Variants in EXOC6B observed in about 807,000 individuals in gnomAD.
The protein encoded by EXOC6B is SEC15 homolog B.
Under a neutral mutation model 113.5 loss-of-function variants are expected in EXOC6B, and 54 were observed. The ratio of observed to expected loss-of-function variants is 0.48; its 90% CI spans 0.38 to 0.60. The LOEUF is 0.60. Ranked by LOEUF, EXOC6B falls within the 20% of genes least tolerant of loss-of-function variation. The pLI is 0.00. For missense variants in EXOC6B, 797 were observed against 977.5 expected (o/e 0.82, Z 2.46); for synonymous variants, 357 against 339.0 (o/e 1.05, Z -0.58).
intron 6 of EXOC6B, among the ~76,000 whole-genome samples, chr2:72,653,316 A>T (rs1674330233): frequency 6.8e-6 from 1 of 146,380 alleles, no homozygotes; most frequent in Admixed American, 6.9e-5. Context: ...ACAAAAAACC[A>T]AACACCGCAT....
chr2:72,238,349 A>T (rs1430770728), intron 20 of EXOC6B, among the ~76,000 whole-genome samples: 1 of 152,232 alleles, frequency 6.6e-6, no homozygotes, highest in African/African-American at 2.4e-5. Context: ...GCTATTATAA[A>T]TAATGCTGCT....
chr2:72,254,703 T>C (rs1398911977), intron 20 of EXOC6B, among the ~76,000 whole-genome samples: 1 of 152,146 alleles, frequency 6.6e-6, no homozygotes, highest in East Asian at 1.9e-4. Flanking sequence ...TTGGTAGGAA[T>C]ATACACAAAC....
At chr2:72,761,848 T>C (rs537807060) in intron 1 of EXOC6B, among the ~76,000 whole-genome samples, 1 of 152,202 alleles carries the variant, frequency 6.6e-6, no homozygotes, top group Admixed American at 6.5e-5. Context: ...GATGGTAGCA[T>C]ATGCCTGTAA....
At position 72,335,001 on chromosome 2, in the gene EXOC6B, C is replaced by T. The variant is rs770505617; in HGVS notation, c.2142G>A (p.Pro714=). The T allele has an allele frequency of 3.5e-5, 57 of 1,613,150 alleles. No individual in the cohort carries two copies. The highest frequency in any genetic ancestry group is 1.6e-4 in the Middle Eastern group (1 of 6,076). ...GCGTGTCCTCCTGGAACCCAGGCAC[C>T]GGGCCGGATCTGGCAAACTCTGTGG... ...RECEQFARSG[P]VPGFQEDTLQ... Residue 714 remains proline (P), a synonymous_variant, in exon 20 of 22, where the codon CCG becomes CCA. Transcript: ENST00000272427.
chr2:72,682,240 A>T (rs1057169309), intron 6 of EXOC6B, among the ~76,000 whole-genome samples: 3 of 152,196 alleles, frequency 2.0e-5, no homozygotes, highest in Non-Finnish European at 4.4e-5. Context: ...AGCTGGAAAC[A>T]CAATGGCTCC....
intron 20 of EXOC6B, among the ~76,000 whole-genome samples, chr2:72,320,123 C>T (rs147899025): frequency 0.018 from 2,650 of 151,262 alleles, 21 homozygotes; most frequent in Non-Finnish European, 0.027. Context: ...GCGTGAGCCA[C>T]CACTCCCAGC....
chr2:72,726,456 CA>C (rs1680306223), intron 5 of EXOC6B, among the ~76,000 whole-genome samples: 1 of 151,906 alleles, frequency 6.6e-6, no homozygotes, highest in Non-Finnish European at 1.5e-5. Flanking sequence ...CAGACTGATC[CA>C]ACAAGAAATA....
intron 8 of EXOC6B, among the ~76,000 whole-genome samples, chr2:72,548,288 G>C (rs1703016580): frequency 6.6e-6 from 1 of 152,100 alleles, no homozygotes; most frequent in South Asian, 2.1e-4. Context: ...TACAATACAT[G>C]AACTCCTGAC....
At chr2:72,315,151 T>C (rs1025729799) in intron 20 of EXOC6B, among the ~76,000 whole-genome samples, 1 of 152,082 alleles carries the variant, frequency 6.6e-6, no homozygotes, top group African/African-American at 2.4e-5. Flanking sequence ...GACTTGAATA[T>C]CAAGACCTGA....
intron 6 of EXOC6B, among the ~76,000 whole-genome samples, chr2:72,628,138 T>C (rs1672173387): frequency 1.3e-5 from 2 of 151,966 alleles, no homozygotes; most frequent in South Asian, 4.2e-4. Context: ...TTGTTATTAT[T>C]TTTTGAGACA....
Position 72,489,671 on chromosome 2 carries a change from T to C in EXOC6B, c.1665+2647A>G, listed in dbSNP as rs998248102. ...GGCCAGAATTGGAACCCAGGCAGTATATATTAGAACATACAGTCTTAACCA... is the reference window on the plus strand; with the variant it reads ...GGCCAGAATTGGAACCCAGGCAGTACATATTAGAACATACAGTCTTAACCA... On this transcript the variant is annotated intron_variant, in intron 16 of 21. Transcript: ENST00000272427. Among the ~76,000 whole-genome samples the C allele has an allele frequency of 3.3e-5, 5 of 152,268 alleles. No individual in the cohort carries two copies. The South Asian group carries it at 6.2e-4, about 19-fold the overall frequency.
chr2:72,179,524 T>C, intron 21 of EXOC6B, 63 bp from the exon 22 acceptor site: 2 of 1,600,512 alleles, frequency 1.2e-6, no homozygotes, highest in Non-Finnish European at 1.7e-6. Flanking sequence ...AAGGAGAACC[T>C]GCAGGAAGCA....
intron 6 of EXOC6B, among the ~76,000 whole-genome samples, chr2:72,658,716 A>G (rs746962642): frequency 5.3e-5 from 8 of 152,090 alleles, no homozygotes; most frequent in Non-Finnish European, 8.8e-5. Context: ...ATTGAGAGTT[A>G]GTATTTTCAT....
chr2:72,308,183 A>G lies in EXOC6B; in HGVS notation c.2196+26764T>C, dbSNP rs1558542865. ...TTTTTCCATTTACCTCATTAGGTCC[A>G]AATAATCCTAAACCCTCCAGGAAAT... On this transcript the variant is annotated intron_variant, in intron 20 of 21. Transcript: ENST00000272427. Among the ~76,000 whole-genome samples, 4 of 152,206 alleles carry G rather than the reference A, an allele frequency of 2.6e-5. No individual in the cohort carries two copies. In the South Asian group the frequency reaches 8.3e-4, roughly 32 times the overall value.
At chr2:72,481,852 C>T (rs1022345655) in intron 16 of EXOC6B, among the ~76,000 whole-genome samples, 1 of 152,098 alleles carries the variant, frequency 6.6e-6, no homozygotes, top group Admixed American at 6.5e-5. Context: ...CTATAAATTA[C>T]TAGAAGAGGA....
intron 18 of EXOC6B, among the ~76,000 whole-genome samples, chr2:72,445,362 G>A (rs1388883776): frequency 1.3e-5 from 2 of 152,066 alleles, no homozygotes; most frequent in Admixed American, 6.6e-5. Flanking sequence ...TGACTTCTGG[G>A]CCATCAAACT....
intron 1 of EXOC6B, among the ~76,000 whole-genome samples, chr2:72,821,264 C>T (rs553646429): frequency 1.3e-5 from 2 of 152,036 alleles, no homozygotes; most frequent in Non-Finnish European, 2.9e-5. Context: ...CAAATCAAAA[C>T]TACAATGAAA....
At chr2:72,191,726 C>G (rs1678846288) in intron 20 of EXOC6B, among the ~76,000 whole-genome samples, 1 of 152,240 alleles carries the variant, frequency 6.6e-6, no homozygotes, top group Admixed American at 6.5e-5. Context: ...AGAACAAATG[C>G]AAAGTTCCAG....
intron 20 of EXOC6B, among the ~76,000 whole-genome samples, chr2:72,284,394 T>C (rs928240406): frequency 2.6e-5 from 4 of 151,956 alleles, no homozygotes; most frequent in Admixed American, 2.0e-4. Flanking sequence ...TATCAACAGA[T>C]ACAGAAAAAA....
Sources: allele counts gnomAD v4.1 joint callset (sites outside exome capture counted in the v4.1 genomes callset), GRCh38; gene constraint gnomAD v4.1.1; transcripts MANE v1.5; gene names NCBI Gene and HGNC (gene_info 2026-07-23, HGNC 2026-07-21).